VPS33B: variants seen among roughly 807,000 people sequenced by gnomAD.
The protein encoded by VPS33B is VPS33B late endosome and lysosome associated.
A neutral mutation model predicts 95.3 loss-of-function variants in VPS33B; 80 were observed. That is an observed-to-expected ratio of 0.84 (90% confidence interval 0.70 to 1.01). The LOEUF (loss-of-function observed/expected upper bound fraction) is 1.01, where lower values mean the gene tolerates loss of function less well. Ranked by LOEUF, VPS33B falls within the 50% of genes least tolerant of loss-of-function variation. VPS33B has a pLI of 0.00. For synonymous variants in VPS33B, 280 were observed against 280.4 expected (o/e 1.00, Z 0.01); for missense variants, 715 against 773.4 (o/e 0.92, Z 0.90).
rs1159663715 is a variant in VPS33B at position 91,017,367 on chromosome 15, A to AATATATAT, written c.178-351_178-344dup. 4.9e-3 allele frequency among the ~76,000 whole-genome samples: 78 copies of AATATATAT among 15,800 alleles called. 2 individuals carry two copies. Among genetic ancestry groups the AATATATAT allele is most frequent in the Non-Finnish European group, 7.8e-3 (68 of 8,726 alleles). 10.4% of individuals were successfully genotyped at this position (15,800 alleles called of 152,430 possible). ...ACAAGACTCCATCTCTACAAAATTA[A>AATATATAT]ATATATATATATATATATATATATA... On this transcript the variant is annotated intron_variant, in intron 2 of 22. Coordinates refer to ENST00000333371, the MANE Select transcript of VPS33B (RefSeq NM_018668.5).
rs1208427359 is a variant in VPS33B at position 91,005,550 on chromosome 15, G to T, written c.1031-96C>A. 1.3e-6 allele frequency: 2 copies of T among 1,593,572 alleles called. No homozygotes were observed. The highest frequency in any genetic ancestry group is 2.2e-5 in the East Asian group (1 of 44,766). ...TAAAAAACCTCCTAAGGCAAAATCC[G>T]AAAGCACTTCTTCCCACTTTACACC... On this transcript the variant is annotated intron_variant, in intron 13 of 22. Coordinates refer to ENST00000333371, the MANE Select transcript of VPS33B (RefSeq NM_018668.5). This position sits in a 1 kb window ranked among gnomAD's most constrained non-coding sequence, Gnocchi z 6.4.
Position 91,005,139 on chromosome 15 carries a change from A to T in VPS33B, c.1106-20T>A. On this transcript the variant is annotated intron_variant, in intron 14 of 22. Transcript: ENST00000333371. This position sits in a 1 kb window ranked among gnomAD's most constrained non-coding sequence, Gnocchi z 6.4. ...GCAGTGCTGTGAGTAATCAGAGGAG[A>T]GCCTGTTACTGGGGGCCAGCTCAGC... The T allele has an allele frequency of 6.2e-7, 1 of 1,614,076 alleles. No homozygotes were observed. The highest frequency in any genetic ancestry group is 8.5e-7 in the Non-Finnish European group (1 of 1,180,030).
chr15:91,015,945 T>A lies in VPS33B; in HGVS notation c.239+1018A>T, dbSNP rs1359974283. 6.6e-6 allele frequency among the ~76,000 whole-genome samples: 1 copy of A among 152,198 alleles called. No homozygotes were observed. The highest frequency in any genetic ancestry group is 1.5e-5 in the Non-Finnish European group (1 of 68,048). ...CCATGTATCCAGGAGAATTTTTTCT[T>A]CTAAGAAAGCATGTACATTAATTAA... On this transcript the variant is annotated intron_variant, in intron 3 of 22. Transcript: ENST00000333371. This position sits in a 1 kb window ranked among gnomAD's most constrained non-coding sequence, Gnocchi z 4.7.
chr15:91,008,028 G>A (rs1413406028), intron 6 of VPS33B, 64 bp from the exon 7 acceptor site: 1 of 1,490,386 alleles, frequency 6.7e-7, no homozygotes, highest in African/African-American at 1.4e-5. Context: ...AAGAGGGAAG[G>A]TCCGCCACAA....
intron 6 of VPS33B, 81 bp from the exon 7 acceptor site, chr15:91,008,045 G>GTTGCACGCACTCAA: frequency 7.6e-7 from 1 of 1,312,274 alleles, no homozygotes; most frequent in Non-Finnish European, 1.1e-6. Context: ...ACAAATATTT[G>GTTGCACGCACTCAA]AGTGCGTGCA....
In VPS33B at chr15:91,009,294, C is replaced by CTT. The variant is rs2040708236; in HGVS notation, c.403+506_403+507insAA. Among the ~76,000 whole-genome samples, 5 of 129,502 alleles carry CTT rather than the reference C, an allele frequency of 3.9e-5. No homozygotes were observed. Among genetic ancestry groups the CTT allele is most frequent in the Middle Eastern group, 3.4e-3 (1 of 298 alleles). The allele number at this position is 129,502 out of a possible 152,430, so 85.0% of individuals were successfully genotyped here. A position where few individuals can be genotyped will look rare whatever the true frequency, so the allele number is the denominator to read the frequency against. ...TTCTCTCTTTTCTTTTATTTTCTTT[C>CTT]TCTCTCTCTTTCTTTCTTCCTTCCT... On this transcript the variant is annotated intron_variant, in intron 6 of 22. Transcript: ENST00000333371. This position sits in a 1 kb window ranked among gnomAD's most constrained non-coding sequence, Gnocchi z 4.1.
At position 91,009,750 on chromosome 15, in the gene VPS33B, T is replaced by G. The variant is rs547027266; in HGVS notation, c.403+51A>C. ...GGGGGTTGGAGAACAACAACAGTTT[T>G]TTCTTCTGTATGTTCTCTTTCCCTT... On this transcript the variant is annotated intron_variant, in intron 6 of 22. Transcript: ENST00000333371. The surrounding 1 kb of genome is among the most constrained non-coding windows in gnomAD (Gnocchi z 4.1). The G allele has an allele frequency of 6.7e-5, 108 of 1,608,236 alleles. 2 individuals are homozygous for G. The South Asian group carries it at 1.0e-3, about 15-fold the overall frequency.
chr15:90,998,822 T>C lies in VPS33B; in HGVS notation c.*153A>G. On this transcript the variant is annotated 3_prime_UTR_variant, in exon 23 of 23. Coordinates refer to ENST00000333371, the MANE Select transcript of VPS33B (RefSeq NM_018668.5). This position sits in a 1 kb window ranked among gnomAD's most constrained non-coding sequence, Gnocchi z 4.8. ...TGGGAGCAGGAAGTGAACTCTTTTC[T>C]CAGATAATGTTCTCTAAATCCCAAC... 9.9e-6 allele frequency: 8 copies of C among 806,124 alleles called. No individual in the cohort carries two copies. The highest frequency in any genetic ancestry group is 1.7e-5 in the Non-Finnish European group (8 of 468,882). The allele number at this position is 806,124 out of a possible 1,614,324, so 49.9% of individuals were successfully genotyped here.
chr15:91,017,952 C>T lies in VPS33B; in HGVS notation c.97-67G>A, dbSNP rs3743445. ...GAGCTTCCGCAGCTGAGAAGTGGCC[C>T]AGCCACCCATCTAACAGAAACAGTC... On this transcript the variant is annotated intron_variant, in intron 1 of 22. Transcript: ENST00000333371. The T allele has an allele frequency of 0.15, 221,214 of 1,459,914 alleles. 21,097 individuals carry two copies. The highest frequency in any genetic ancestry group is 0.49 in the East Asian group (21,852 of 44,156). 90.4% of individuals were successfully genotyped at this position (1,459,914 alleles called of 1,614,324 possible).
chr15:91,009,321 CCTTT>C lies in VPS33B; in HGVS notation c.403+476_403+479del, dbSNP rs1434769008. 1.7e-4 allele frequency among the ~76,000 whole-genome samples: 26 copies of C among 151,226 alleles called. No individual in the cohort carries two copies. Among genetic ancestry groups the C allele is most frequent in the Middle Eastern group, 6.8e-3 (2 of 294 alleles). ...CTCTCTCTTTCTTTCTTCCTTCCTT[CCTTT>C]CTCTGAGTCTCACTCTTGTTGCCCA... On this transcript the variant is annotated intron_variant, in intron 6 of 22. Coordinates refer to ENST00000333371, the MANE Select transcript of VPS33B (RefSeq NM_018668.5). This position sits in a 1 kb window ranked among gnomAD's most constrained non-coding sequence, Gnocchi z 4.1.
In VPS33B at chr15:91,017,365, T is replaced by TAAAAAAAAAA. The variant is rs1272281030; in HGVS notation, c.178-342_178-341insTTTTTTTTTT. On this transcript the variant is annotated intron_variant, in intron 2 of 22. Coordinates refer to ENST00000333371, the MANE Select transcript of VPS33B (RefSeq NM_018668.5). ...TAACAAGACTCCATCTCTACAAAAT[T>TAAAAAAAAAA]AAATATATATATATATATATATATA... Among the ~76,000 whole-genome samples the TAAAAAAAAAA allele has an allele frequency of 1.8e-3, 30 of 17,000 alleles. 5 individuals are homozygous for TAAAAAAAAAA. The highest frequency in any genetic ancestry group is 8.6e-3 in the African/African-American group (20 of 2,314). The allele number at this position is 17,000 out of a possible 152,430, so 11.2% of individuals were successfully genotyped here.
At chr15:91,017,069 A>G (rs775958368) in intron 2 of VPS33B, 45 bp from the exon 3 acceptor site, 1 of 1,587,516 alleles carries the variant, frequency 6.3e-7, no homozygotes, top group Non-Finnish European at 8.6e-7. Flanking sequence ...GAGTGCCTGA[A>G]AAGCACAAAG....
intron 18 of VPS33B, 50 bp downstream of exon 18, chr15:91,002,000 A>G (rs772287314): frequency 6.2e-7 from 1 of 1,612,438 alleles, no homozygotes; most frequent in South Asian, 1.1e-5. Flanking sequence ...GCGTGTTGAG[A>G]GAAGTCAGGA....
At chr15:91,014,511 A>G in intron 3 of VPS33B, 78 bp from the exon 4 acceptor site, 1 of 1,527,762 alleles carries the variant, frequency 6.5e-7, no homozygotes, top group Non-Finnish European at 9.0e-7. Flanking sequence ...CTGAAACAAT[A>G]CCAACTCTTT....
At chr15:91,012,715 A>G (rs1002250728) in intron 5 of VPS33B, among the ~76,000 whole-genome samples, 3 of 152,164 alleles carry the variant, frequency 2.0e-5, no homozygotes, top group Non-Finnish European at 2.9e-5. Context: ...ATTCCTCCCA[A>G]TCACTGGGAT....
rs954839779 is a variant in VPS33B at position 91,008,969 on chromosome 15, C to T, written c.403+832G>A. ...CGAGTCAGGAGAAGGAAGCAGCACA[C>T]GATGAGGCTAATGGGACAGGAGGGG... is the stretch of plus-strand genomic sequence containing the variant. On this transcript the variant is annotated intron_variant, in intron 6 of 22. Transcript: ENST00000333371. Among the ~76,000 whole-genome samples the T allele has an allele frequency of 3.9e-5, 6 of 152,206 alleles. No individual in the cohort carries two copies. The South Asian group carries it at 1.2e-3, about 32-fold the overall frequency.
At position 91,003,140 on chromosome 15, in the gene VPS33B, G is replaced by A. The variant is rs200344446; in HGVS notation, c.1226-9C>T. 10 of 1,614,004 alleles carry A rather than the reference G, an allele frequency of 6.2e-6. No homozygotes were observed. Among genetic ancestry groups the A allele is most frequent in the Non-Finnish European group, 8.5e-6 (10 of 1,180,014 alleles). ...ATCCTTGGGGATCAAACCTAAGAGT[G>A]AAGAAAATAAGACAGGTGCATGAGA... On this transcript the variant is annotated splice_polypyrimidine_tract_variant and intron_variant, in intron 16 of 22. Coordinates refer to ENST00000333371, the MANE Select transcript of VPS33B (RefSeq NM_018668.5).
Position 91,011,321 on chromosome 15 carries a change from T to C in VPS33B, c.358-1475A>G, listed in dbSNP as rs1428859001. Among the ~76,000 whole-genome samples, 1 of 152,244 alleles carries C rather than the reference T, an allele frequency of 6.6e-6. No individual in the cohort carries two copies. Among genetic ancestry groups the C allele is most frequent in the African/African-American group, 2.4e-5 (1 of 41,478 alleles). ...CTTAGTGTTTTACAGGAATCACTTGTCTTCATCTTCATACTAGCTCTGTGA... is the reference window on the plus strand; with the variant it reads ...CTTAGTGTTTTACAGGAATCACTTGCCTTCATCTTCATACTAGCTCTGTGA... On this transcript the variant is annotated intron_variant, in intron 5 of 22. Coordinates refer to ENST00000333371, the MANE Select transcript of VPS33B (RefSeq NM_018668.5). This position sits in a 1 kb window ranked among gnomAD's most constrained non-coding sequence, Gnocchi z 5.5.
rs559853511 is a variant in VPS33B at position 91,009,547 on chromosome 15, T to A, written c.403+254A>T. On this transcript the variant is annotated intron_variant, in intron 6 of 22. Transcript: ENST00000333371. The surrounding 1 kb of genome is among the most constrained non-coding windows in gnomAD (Gnocchi z 4.1). ...GACTCAAACTCCTGACCTCAGGTGA[T>A]CCACCCCCTCGGCCTCCCAAAGTGC... 3.9e-5 allele frequency among the ~76,000 whole-genome samples: 6 copies of A among 152,210 alleles called. No homozygotes were observed. The South Asian group carries it at 1.2e-3, about 32-fold the overall frequency.
Sources: allele counts gnomAD v4.1 joint callset (sites outside exome capture counted in the v4.1 genomes callset), GRCh38; gene constraint gnomAD v4.1.1; non-coding constraint Gnocchi (gnomAD v3.1); transcripts MANE v1.5; gene names NCBI Gene and HGNC (gene_info 2026-07-23, HGNC 2026-07-21).